The following NUP210 variants were observed in gnomAD, a reference collection of about 807,000 sequenced individuals.
NUP210 encodes nucleoporin 210.
Under a neutral mutation model 196.0 loss-of-function variants are expected in NUP210, and 151 were observed. The observed-to-expected ratio is 0.77, with a 90% CI of 0.67 to 0.88. The LOEUF is 0.88. Ranked by LOEUF, NUP210 falls within the 40% of genes least tolerant of loss-of-function variation. The probability of loss-of-function intolerance (pLI) is 0.00; values close to 1 mark genes in which losing one functional copy is unlikely to be tolerated. For missense variants in NUP210, 2,314 were observed against 2,493.7 expected (o/e 0.93, Z 1.53); for synonymous variants, 1,070 against 1,052.7 (o/e 1.02, Z -0.32).
intron 1 of NUP210, among the ~76,000 whole-genome samples, chr3:13,414,423 C>T (rs1280435863): frequency 2.0e-5 from 3 of 152,210 alleles, no homozygotes; most frequent in South Asian, 2.1e-4. Flanking sequence ...GAGCAAGGCC[C>T]GGTCCAGCCC....
At chr3:13,373,692 G>A in intron 12 of NUP210, 26 bp downstream of exon 12, 2 of 1,612,444 alleles carry the variant, frequency 1.2e-6, no homozygotes, top group East Asian at 2.2e-5. Flanking sequence ...AGCCTCCCAG[G>A]GGGTGTCTTG....
At position 13,354,453 on chromosome 3, in the gene NUP210, G is replaced by A. The variant is rs543011662; in HGVS notation, c.2329-346C>T. 145 of 256,704 alleles carry A rather than the reference G, an allele frequency of 5.6e-4. 1 individual carries two copies. In the South Asian group the frequency reaches 7.5e-3, roughly 13 times the overall value. 15.9% of individuals were successfully genotyped at this position (256,704 alleles called of 1,614,324 possible). On this transcript the variant is annotated intron_variant, in intron 16 of 39. Transcript: ENST00000254508. ...TCCATGATGCTGCTAAACACCCTAC[G>A]ATACACAGGACAGCCCCCCACAGGA... is the stretch of plus-strand genomic sequence containing the variant.
chr3:13,353,730 CCTT>C (rs2124881482), intron 17 of NUP210, 70 bp from the exon 18 acceptor site: 14 of 1,404,468 alleles, frequency 1.0e-5, no homozygotes, highest in East Asian at 4.6e-5. Flanking sequence ...GCCCCTCCCT[CCTT>C]CTGATTTGCA....
chr3:13,330,486 T>G lies in NUP210; in HGVS notation c.4084A>C (p.Asn1362His), dbSNP rs1696950438. The G allele has an allele frequency of 1.2e-6, 2 of 1,614,158 alleles. No homozygotes were observed. Among genetic ancestry groups the G allele is most frequent in the Non-Finnish European group, 8.5e-7 (1 of 1,179,992 alleles). Residue 1362 changes from asparagine to histidine, a missense_variant, in exon 30 of 40, where the codon AAC becomes CAC. Physicochemically the swap from Asn to His is moderately conservative, Grantham distance 68 (BLOSUM62 1). Coordinates refer to ENST00000254508, the MANE Select transcript of NUP210 (RefSeq NM_024923.4). ...EVIAQEPFGA[N>H]QTIIVAVKVS... The stretch of plus-strand genomic sequence containing the variant: ...TTTACAGCAACAATGATGGTTTGGT[T>G]GGCCCCAAAGGGCTCTTGTGCAATC...
intron 4 of NUP210, among the ~76,000 whole-genome samples, chr3:13,389,918 C>G (rs1699431555): frequency 6.6e-6 from 1 of 152,178 alleles, no homozygotes; most frequent in South Asian, 2.1e-4. Flanking sequence ...AAACCCAAAA[C>G]AAGGGCCACT....
chr3:13,365,630 T>C (rs1216265464), intron 14 of NUP210, among the ~76,000 whole-genome samples: 2 of 152,236 alleles, frequency 1.3e-5, no homozygotes, highest in Admixed American at 6.5e-5. Context: ...TGACCCTTGC[T>C]GAACACACTT....
chr3:13,327,152 AG>A, intron 32 of NUP210, 64 bp downstream of exon 32: 1 of 1,328,746 alleles, frequency 7.5e-7, no homozygotes, highest in South Asian at 1.4e-5. Flanking sequence ...CTGCCCAGGT[AG>A]CCCCCACCCA....
Position 13,323,173 on chromosome 3 carries a change from GT to G in NUP210, c.4768+135del. On this transcript the variant is annotated intron_variant, in intron 34 of 39. Coordinates refer to ENST00000254508, the MANE Select transcript of NUP210 (RefSeq NM_024923.4). The surrounding 1 kb of genome is among the most constrained non-coding windows in gnomAD (Gnocchi z 4.3). Reference sequence around the variant, plus strand: ...CAGAAACGCTGGAAGGAGTGGATGAGTGGGGGCTAAATGCCCTCTCTGGAGT... The same window carrying G: ...CAGAAACGCTGGAAGGAGTGGATGAGGGGGGCTAAATGCCCTCTCTGGAGT... 5.6e-6 allele frequency: 6 copies of G among 1,080,332 alleles called. No homozygotes were observed. Among genetic ancestry groups the G allele is most frequent in the Non-Finnish European group, 6.7e-6 (5 of 748,726 alleles). 66.9% of individuals were successfully genotyped at this position (1,080,332 alleles called of 1,614,324 possible). A position where few individuals can be genotyped will look rare whatever the true frequency, so the allele number is the denominator to read the frequency against.
At chr3:13,355,761 G>C (rs1698149445) in intron 16 of NUP210, among the ~76,000 whole-genome samples, 1 of 152,216 alleles carries the variant, frequency 6.6e-6, no homozygotes, top group Non-Finnish European at 1.5e-5. Context: ...ATAGAAGCCG[G>C]GAGTTTGGGC....
chr3:13,420,264 C>G lies in NUP210; in HGVS notation c.-38G>C. ...TCACCTCCCGCGACCCTGCGCCCGG[C>G]CGCCCGCGCCGCCCCGTTGCCCTCC... On this transcript the variant is annotated 5_prime_UTR_variant, in exon 1 of 40. Transcript: ENST00000254508. This position sits in a 1 kb window ranked among gnomAD's most constrained non-coding sequence, Gnocchi z 4.8. The G allele has an allele frequency of 9.6e-7, 1 of 1,044,846 alleles. No homozygotes were observed. Among genetic ancestry groups the G allele is most frequent in the South Asian group, 4.4e-5 (1 of 22,680 alleles). 64.7% of individuals were successfully genotyped at this position (1,044,846 alleles called of 1,614,324 possible). A position where few individuals can be genotyped will look rare whatever the true frequency, so the allele number is the denominator to read the frequency against.
chr3:13,363,218 A>C (rs1198643348), intron 14 of NUP210, among the ~76,000 whole-genome samples: 1 of 152,182 alleles, frequency 6.6e-6, no homozygotes, highest in Non-Finnish European at 1.5e-5. Flanking sequence ...CCCACTTTAT[A>C]GACAGCAAGG....
At chr3:13,394,210 GGT>G (rs1005085103) in intron 3 of NUP210, among the ~76,000 whole-genome samples, 10 of 152,208 alleles carry the variant, frequency 6.6e-5, no homozygotes, top group Non-Finnish European at 1.5e-4. Context: ...AGGAGGGGAA[GGT>G]GCTCCAGGCA....
At chr3:13,389,484 G>A (rs1490438910) in intron 4 of NUP210, among the ~76,000 whole-genome samples, 1 of 152,160 alleles carries the variant, frequency 6.6e-6, no homozygotes, top group Non-Finnish European at 1.5e-5. Flanking sequence ...AACGTTCCCT[G>A]GCTAAGGACA....
Position 13,366,161 on chromosome 3 carries a change from CTG to C in NUP210, c.1787-72_1787-71del. ...TTCTTTTTTTTGAGATGGAGTCTCGCTGTGTTGCCCAGGCTGGAGTACAGTGG... is the reference window on the plus strand; with the variant it reads ...TTCTTTTTTTTGAGATGGAGTCTCGCTGTTGCCCAGGCTGGAGTACAGTGG... On this transcript the variant is annotated intron_variant, in intron 13 of 39. Coordinates refer to ENST00000254508, the MANE Select transcript of NUP210 (RefSeq NM_024923.4). 1.6e-5 allele frequency: 23 copies of C among 1,479,068 alleles called. 1 individual carries two copies. The highest frequency in any genetic ancestry group is 2.1e-5 in the Non-Finnish European group (23 of 1,087,474). The allele number at this position is 1,479,068 out of a possible 1,614,324, so 91.6% of individuals were successfully genotyped here. A position where few individuals can be genotyped will look rare whatever the true frequency, so the allele number is the denominator to read the frequency against.
intron 3 of NUP210, among the ~76,000 whole-genome samples, chr3:13,397,069 G>A (rs531887776): frequency 6.6e-6 from 1 of 152,252 alleles, no homozygotes; most frequent in East Asian, 1.9e-4. Flanking sequence ...CTGGCTCCAG[G>A]GTCACAGAGC....
chr3:13,352,395 A>C (rs1477196055), intron 18 of NUP210, among the ~76,000 whole-genome samples: 1 of 152,128 alleles, frequency 6.6e-6, no homozygotes, highest in African/African-American at 2.4e-5. Context: ...CTCCAGACTG[A>C]GGAGAGGGTT....
At chr3:13,352,999 G>T (rs149415281) in intron 18 of NUP210, among the ~76,000 whole-genome samples, 1 of 151,988 alleles carries the variant, frequency 6.6e-6, no homozygotes, top group Non-Finnish European at 1.5e-5. Flanking sequence ...CAGGCATCAG[G>T]CAGGAGGCCG....
At chr3:13,403,975 G>A (rs1039811719) in intron 1 of NUP210, among the ~76,000 whole-genome samples, 1 of 152,122 alleles carries the variant, frequency 6.6e-6, no homozygotes, top group Non-Finnish European at 1.5e-5. Flanking sequence ...GCTCCCCTGG[G>A]GCCTGCTCTC....
intron 6 of NUP210, among the ~76,000 whole-genome samples, chr3:13,380,379 C>T (rs1418629872): frequency 6.6e-6 from 1 of 152,194 alleles, no homozygotes; most frequent in African/African-American, 2.4e-5. Flanking sequence ...ATCAAGATGC[C>T]TCAGAGCAAT....
Sources: gnomAD v4.1 joint callset for allele counts (sites outside exome capture counted in the v4.1 genomes callset) on GRCh38, gnomAD v4.1.1 for gene constraint, Gnocchi (gnomAD v3.1) non-coding constraint, MANE v1.5 for transcripts, NCBI Gene and HGNC (gene_info 2026-07-23, HGNC 2026-07-21) for gene names.